Variants in RORB observed in about 807,000 individuals in gnomAD.
RORB encodes the protein nuclear receptor ROR-beta.
Under a neutral mutation model 59.1 loss-of-function variants are expected in RORB, and 6 were observed. That is an observed-to-expected ratio of 0.10 (90% CI 0.06 to 0.20). RORB has a LOEUF of 0.20. Ranked by LOEUF, RORB falls within the 10% of genes least tolerant of loss-of-function variation. The pLI, the probability that RORB is intolerant of heterozygous loss-of-function variation, is 1.00. For missense variants in RORB, 320 were observed against 560.5 expected (o/e 0.57, Z 4.33); for synonymous variants, 215 against 204.5 (o/e 1.05, Z -0.44).
intron 2 of RORB, among the ~76,000 whole-genome samples, chr9:74,633,922 C>T (rs1295357779): frequency 6.6e-6 from 1 of 151,706 alleles, no homozygotes; most frequent in African/African-American, 2.4e-5. Context: ...ACTTTCCAGA[C>T]CCGGTCACGG....
chr9:74,563,784 G>A (rs1822433363), intron 1 of RORB, among the ~76,000 whole-genome samples: 1 of 152,208 alleles, frequency 6.6e-6, no homozygotes. Context: ...GAACCTTGGA[G>A]TGAGTGGGTT....
chr9:74,672,013 C>A, intron 9 of RORB, 112 bp downstream of exon 9: 2 of 599,832 alleles, frequency 3.3e-6, no homozygotes, highest in Non-Finnish European at 6.0e-6. Context: ...TGAAAGTTAC[C>A]AAAGACTGCA....
intron 1 of RORB, among the ~76,000 whole-genome samples, chr9:74,592,870 T>TGCACAC (rs1261140355): frequency 1.1e-4 from 16 of 151,890 alleles, no homozygotes; most frequent in African/African-American, 1.9e-4. Context: ...CACATGCACA[T>TGCACAC]GCACACGCAC....
intron 9 of RORB, among the ~76,000 whole-genome samples, chr9:74,682,368 G>A (rs1397113556): frequency 1.3e-5 from 2 of 151,630 alleles, no homozygotes. Context: ...CACCAACATG[G>A]CACATGTATA....
At chr9:74,505,018 G>A (rs560694407) in intron 1 of RORB, among the ~76,000 whole-genome samples, 3 of 152,072 alleles carry the variant, frequency 2.0e-5, no homozygotes, top group Non-Finnish European at 4.4e-5. Flanking sequence ...GACTGAATTA[G>A]ATGTACAAAT....
chr9:74,536,631 C>G (rs183691978), intron 1 of RORB, among the ~76,000 whole-genome samples: 1 of 151,892 alleles, frequency 6.6e-6, no homozygotes, highest in South Asian at 2.1e-4. Context: ...CTGACTGTCC[C>G]GTAGCAATAA....
chr9:74,500,687 G>C (rs1825793834), intron 1 of RORB, among the ~76,000 whole-genome samples: 1 of 152,076 alleles, frequency 6.6e-6, no homozygotes, highest in Non-Finnish European at 1.5e-5. Flanking sequence ...GGGCCAATCC[G>C]GCAAACCTAT....
rs556566168 is a variant in RORB, at chr9:74,575,084, G to A, written c.8-55198G>A. On this transcript the variant is annotated intron_variant, in intron 1 of 9. Transcript: ENST00000376896. The stretch of plus-strand genomic sequence containing the variant: ...CTTGAGCCATGTTAACAATGAGTAC[G>A]GACACCTTAAATACCTGGACTGATA... 2.1e-4 allele frequency among the ~76,000 whole-genome samples: 32 copies of A among 152,168 alleles called. No individual in the cohort carries two copies. In the South Asian group the frequency reaches 4.8e-3, roughly 23 times the overall value.
intron 9 of RORB, among the ~76,000 whole-genome samples, chr9:74,674,762 A>G (rs976900293): frequency 3.9e-5 from 6 of 152,314 alleles, no homozygotes; most frequent in Non-Finnish European, 7.3e-5. Flanking sequence ...TTAGGGGAAA[A>G]AAAAACCCTA....
chr9:74,657,441 G>A (rs1386979327), intron 4 of RORB, among the ~76,000 whole-genome samples: 1 of 152,126 alleles, frequency 6.6e-6, no homozygotes, highest in African/African-American at 2.4e-5. Context: ...AGGTTGTAAA[G>A]ATATAAGATG....
At chr9:74,652,149 C>T (rs1311156495) in intron 4 of RORB, among the ~76,000 whole-genome samples, 8 of 152,260 alleles carry the variant, frequency 5.3e-5, no homozygotes, top group East Asian at 1.9e-4. Context: ...TGAAGCCAGG[C>T]GCGGTGGCTC....
At position 74,591,016 on chromosome 9, in the gene RORB, C is replaced by T. The variant is rs371384904; in HGVS notation, c.8-39266C>T. On this transcript the variant is annotated intron_variant, in intron 1 of 9. Coordinates refer to ENST00000376896, the MANE Select transcript of RORB (RefSeq NM_006914.4). ...TTCACCATGTTAACCAGGATAGTCC[C>T]GATCTCCTGACCTCGTGATCCACCC... is the stretch of plus-strand genomic sequence containing the variant. Among the ~76,000 whole-genome samples, 333 of 152,224 alleles carry T rather than the reference C, an allele frequency of 2.2e-3. 3 individuals carry two copies. The highest frequency in any genetic ancestry group is 7.7e-3 in the African/African-American group (321 of 41,530).
intron 1 of RORB, among the ~76,000 whole-genome samples, chr9:74,535,255 T>C (rs890125931): frequency 6.6e-6 from 1 of 151,960 alleles, no homozygotes; most frequent in Non-Finnish European, 1.5e-5. Flanking sequence ...AAAAAGGAGA[T>C]GAAAAAACAA....
intron 1 of RORB, among the ~76,000 whole-genome samples, chr9:74,527,192 T>G (rs966066953): frequency 1.3e-5 from 2 of 152,034 alleles, no homozygotes; most frequent in Non-Finnish European, 2.9e-5. Context: ...GATTTCACAT[T>G]AGAAATTTAG....
intron 1 of RORB, among the ~76,000 whole-genome samples, chr9:74,527,246 A>G (rs1826168091): frequency 2.6e-5 from 4 of 151,978 alleles, no homozygotes. Flanking sequence ...AGGTTTAGTT[A>G]CTATACTCTA....
intron 1 of RORB, among the ~76,000 whole-genome samples, chr9:74,617,487 A>G (rs1158557948): frequency 3.3e-5 from 5 of 152,202 alleles, no homozygotes; most frequent in African/African-American, 1.2e-4. Flanking sequence ...GCTGTTAGGG[A>G]TTAGGTGCAG....
chr9:74,534,060 C>G (rs544145566), intron 1 of RORB, among the ~76,000 whole-genome samples: 15 of 152,054 alleles, frequency 9.9e-5, no homozygotes, highest in African/African-American at 3.6e-4. Flanking sequence ...GGACTGAGAC[C>G]ACATTTAACT....
chr9:74,611,760 G>T (rs975331693), intron 1 of RORB, among the ~76,000 whole-genome samples: 1 of 152,182 alleles, frequency 6.6e-6, no homozygotes, highest in East Asian at 1.9e-4. Flanking sequence ...CGATTCTCCT[G>T]CCTGAGCCTC....
chr9:74,561,047 TA>T (rs1351716741), intron 1 of RORB, among the ~76,000 whole-genome samples: 5 of 152,264 alleles, frequency 3.3e-5, no homozygotes, highest in African/African-American at 4.8e-5. Context: ...TTGCTGCCAA[TA>T]GATTCAACTT....
Sources: allele counts gnomAD v4.1 joint callset (sites outside exome capture counted in the v4.1 genomes callset), GRCh38; gene constraint gnomAD v4.1.1; transcripts MANE v1.5; gene names NCBI Gene and HGNC (gene_info 2026-07-23, HGNC 2026-07-21).